The following PSPC1 variants were observed in gnomAD, a reference collection of about 807,000 sequenced individuals.
PSPC1 encodes the protein paraspeckle protein 1.
Under a neutral mutation model 51.6 loss-of-function variants are expected in PSPC1, and 14 were observed. The ratio of observed to expected loss-of-function variants is 0.27; its 90% CI spans 0.18 to 0.42. The LOEUF (loss-of-function observed/expected upper bound fraction) is 0.42, where lower values mean the gene tolerates loss of function less well. Ranked by LOEUF, PSPC1 falls within the 10% of genes least tolerant of loss-of-function variation. PSPC1 has a pLI of 1.00. For missense variants in PSPC1, 406 were observed against 701.1 expected (o/e 0.58, Z 4.75); for synonymous variants, 193 against 231.9 (o/e 0.83, Z 1.53).
chr13:19,779,716 T>C (rs1391423335), intron 1 of PSPC1, among the ~76,000 whole-genome samples: 19 of 87,482 alleles, frequency 2.2e-4, no homozygotes, highest in East Asian at 9.0e-4. Flanking sequence ...CCAGCCACCC[T>C]GTCTGGGAGG....
intron 6 of PSPC1, among the ~76,000 whole-genome samples, chr13:19,712,361 A>G (rs999444042): frequency 6.6e-6 from 1 of 152,180 alleles, no homozygotes; most frequent in Non-Finnish European, 1.5e-5. Flanking sequence ...CTATTGGCCT[A>G]TGATTCACTG....
chr13:19,781,296 C>T (rs948590745), intron 1 of PSPC1, among the ~76,000 whole-genome samples: 1 of 152,038 alleles, frequency 6.6e-6, no homozygotes, highest in South Asian at 2.1e-4. Context: ...GGACTACAGG[C>T]GCGCACCACC....
intron 6 of PSPC1, among the ~76,000 whole-genome samples, chr13:19,715,997 C>A (rs918647834): frequency 6.6e-6 from 1 of 151,764 alleles, no homozygotes; most frequent in Non-Finnish European, 1.5e-5. Context: ...CTGGGCGATA[C>A]AGCAAGACTC....
At chr13:19,730,518 A>T (rs1315904696) in intron 5 of PSPC1, among the ~76,000 whole-genome samples, 174 bp from the exon 6 acceptor site, 1 of 152,154 alleles carries the variant, frequency 6.6e-6, no homozygotes, top group Non-Finnish European at 1.5e-5. Context: ...AGCCTTTAAT[A>T]AATCAAAAAA....
intron 3 of PSPC1, among the ~76,000 whole-genome samples, chr13:19,753,111 C>CGT (rs2138144726): frequency 6.6e-6 from 1 of 151,748 alleles, no homozygotes; most frequent in South Asian, 2.1e-4. Flanking sequence ...CGAAACCGCC[C>CGT]CTCTCTACTA....
At chr13:19,746,091 C>T (rs541395669) in intron 4 of PSPC1, among the ~76,000 whole-genome samples, 2 of 150,900 alleles carry the variant, frequency 1.3e-5, no homozygotes, top group South Asian at 2.1e-4. Context: ...CTGCAACCTC[C>T]GACTCCCTAG....
At chr13:19,709,473 A>G in intron 7 of PSPC1, 69 bp downstream of exon 7, 1 of 1,234,954 alleles carries the variant, frequency 8.1e-7, no homozygotes, top group South Asian at 1.4e-5. Flanking sequence ...ATATGTAGAT[A>G]CCACAAACAG....
downstream of PSPC1, among the ~76,000 whole-genome samples, chr13:19,698,474 T>C (rs1879508990): frequency 6.6e-6 from 1 of 151,970 alleles, no homozygotes; most frequent in South Asian, 2.1e-4. Context: ...ACTAAATTTA[T>C]ATTAAAATAT....
At chr13:19,716,484 G>A (rs1028768899) in intron 6 of PSPC1, among the ~76,000 whole-genome samples, 4 of 151,976 alleles carry the variant, frequency 2.6e-5, no homozygotes, top group Non-Finnish European at 5.9e-5. Context: ...ATCTTAATGG[G>A]CACAATCAAT....
At position 19,743,598 on chromosome 13, in the gene PSPC1, C is replaced by T. The variant is rs548455402; in HGVS notation, c.968-1949G>A. Among the ~76,000 whole-genome samples, 35 of 152,238 alleles carry T rather than the reference C, an allele frequency of 2.3e-4. No homozygotes were observed. In the South Asian group the frequency reaches 6.6e-3, roughly 29 times the overall value. ...GCTCTTTCAAAAAAGTATGCCAAAC[C>T]TAGTTGATCAGACTCAATTGGAAAA... On this transcript the variant is annotated intron_variant, in intron 4 of 8. Transcript: ENST00000338910.
At chr13:19,776,915 C>T (rs1889197753) in intron 1 of PSPC1, among the ~76,000 whole-genome samples, 1 of 151,148 alleles carries the variant, frequency 6.6e-6, no homozygotes, top group Admixed American at 6.6e-5. Context: ...CACCTGAGGT[C>T]AGGAGTTCAA....
chr13:19,673,230 C>CT (rs1395930690), downstream of PSPC1: 1 of 422,106 alleles, frequency 2.4e-6, no homozygotes, highest in African/African-American at 2.1e-5. Flanking sequence ...AGAGTTCCTG[C>CT]TTCTGTATGG....
chr13:19,735,910 C>CA lies in PSPC1; in HGVS notation c.1053-5567_1053-5566insT, dbSNP rs553068019. On this transcript the variant is annotated intron_variant, in intron 5 of 8. Coordinates refer to ENST00000338910, the MANE Select transcript of PSPC1 (RefSeq NM_001354909.2). ...CATCTCTGCTCACTGCAAGCTACGC[C>CA]TCCTGGGTTCAAGCCATTCTCCTGC... Among the ~76,000 whole-genome samples, 1,345 of 152,192 alleles carry CA rather than the reference C, an allele frequency of 8.8e-3. 13 individuals are homozygous for CA. Among genetic ancestry groups the CA allele is most frequent in the African/African-American group, 0.031 (1,278 of 41,512 alleles).
chr13:19,774,014 A>G (rs557168628), intron 1 of PSPC1, among the ~76,000 whole-genome samples: 14 of 152,254 alleles, frequency 9.2e-5, no homozygotes, highest in Admixed American at 2.0e-4. Flanking sequence ...ATTTCTCACT[A>G]TTACATGAAG....
chr13:19,728,665 T>G (rs1189413898), intron 6 of PSPC1, among the ~76,000 whole-genome samples: 16 of 152,186 alleles, frequency 1.1e-4, no homozygotes. Flanking sequence ...TGCTTAAGTT[T>G]GCAGTAGTAA....
intron 2 of PSPC1, among the ~76,000 whole-genome samples, chr13:19,768,328 TAAG>T (rs1888266513): frequency 1.3e-5 from 2 of 152,056 alleles, no homozygotes; most frequent in African/African-American, 4.8e-5. Context: ...CATAATTCAG[TAAG>T]AAGACAATCT....
At chr13:19,715,415 T>G (rs945988525) in intron 6 of PSPC1, among the ~76,000 whole-genome samples, 6 of 152,202 alleles carry the variant, frequency 3.9e-5, no homozygotes, top group African/African-American at 7.2e-5. Flanking sequence ...ATATTTTTCC[T>G]TTAATATTTA....
chr13:19,781,080 T>C (rs1395083246), intron 1 of PSPC1, among the ~76,000 whole-genome samples: 2 of 151,512 alleles, frequency 1.3e-5, no homozygotes, highest in South Asian at 2.1e-4. Context: ...GGAGAACTTC[T>C]TGAGCCCAGG....
Position 19,730,309 on chromosome 13 carries a change from A to G in PSPC1, c.1088T>C (p.Met363Thr). 6 of 1,614,066 alleles carry G rather than the reference A, an allele frequency of 3.7e-6. No individual in the cohort carries two copies. The highest frequency in any genetic ancestry group is 1.3e-5 in the African/African-American group (1 of 75,030). ...EEEHRRREEE[M>T]IRHREQEELR... ...TTCCTCCTGTTCTCTGTGTCGGATC[A>G]TTTCTTCCTCACGCCGCCGATGCTC... Residue 363 changes from methionine (M) to threonine (T), a missense_variant, in exon 6 of 9, where the codon ATG becomes ACG. Around this residue, in one of 5 missense-constraint regions of PSPC1, gnomAD observed 61 missense variants for 78.4 expected, o/e 0.78. Transcript: ENST00000338910.
Sources: allele counts gnomAD v4.1 joint callset (sites outside exome capture counted in the v4.1 genomes callset), GRCh38; gene constraint gnomAD v4.1.1; regional missense constraint gnomAD v4.1.1; transcripts MANE v1.5; gene names NCBI Gene and HGNC (gene_info 2026-07-23, HGNC 2026-07-21).